Variants in AGMO observed in about 807,000 individuals in gnomAD.
AGMO encodes alkylglycerol monooxygenase.
Under a neutral mutation model 60.2 loss-of-function variants are expected in AGMO, and 75 were observed. That is an observed-to-expected ratio of 1.25 (90% CI 1.03 to 1.51). The LOEUF is 1.51. Ranked by LOEUF, AGMO falls within the 40% of genes most tolerant of loss-of-function variation. The pLI is 0.00. For missense variants in AGMO, 763 were observed against 525.5 expected (o/e 1.45, Z -4.42); for synonymous variants, 261 against 177.1 (o/e 1.47, Z -3.76).
At chr7:15,484,391 A>G (rs769822811) in intron 3 of AGMO, among the ~76,000 whole-genome samples, 6 of 152,140 alleles carry the variant, frequency 3.9e-5, no homozygotes, top group Admixed American at 3.3e-4. Flanking sequence ...GATAGACAGT[A>G]GTGGTCACAT....
chr7:15,296,462 C>G (rs1362707461), intron 12 of AGMO, among the ~76,000 whole-genome samples: 1 of 152,188 alleles, frequency 6.6e-6, no homozygotes, highest in Non-Finnish European at 1.5e-5. Context: ...TCCAGATGGA[C>G]TGGACTGTAC....
intron 12 of AGMO, among the ~76,000 whole-genome samples, chr7:15,228,962 T>A (rs1289773666): frequency 6.6e-6 from 1 of 152,108 alleles, no homozygotes; most frequent in African/African-American, 2.4e-5. Context: ...TTAATACAGC[T>A]AGACAGCTGA....
intron 12 of AGMO, among the ~76,000 whole-genome samples, chr7:15,352,451 T>TC (rs1024787760): frequency 6.6e-6 from 1 of 151,882 alleles, no homozygotes; most frequent in East Asian, 1.9e-4. Context: ...AAGTATGTTT[T>TC]TTTTTTTTTT....
intron 12 of AGMO, among the ~76,000 whole-genome samples, chr7:15,248,106 T>A (rs1468783802): frequency 7.0e-6 from 1 of 143,050 alleles, no homozygotes; most frequent in Non-Finnish European, 1.5e-5. Flanking sequence ...GACAAGAAAA[T>A]CATTAGCTGT....
chr7:15,205,446 A>G (rs1248867767), intron 12 of AGMO, among the ~76,000 whole-genome samples: 1 of 152,208 alleles, frequency 6.6e-6, no homozygotes, highest in African/African-American at 2.4e-5. Flanking sequence ...TTATGTCACA[A>G]AGATTAAAAT....
chr7:15,395,303 AAGTC>A (rs1453004329), intron 5 of AGMO, among the ~76,000 whole-genome samples: 1 of 152,194 alleles, frequency 6.6e-6, no homozygotes, highest in Non-Finnish European at 1.5e-5. Context: ...TGAATTTGAT[AAGTC>A]AGTGTCACGG....
intron 3 of AGMO, among the ~76,000 whole-genome samples, chr7:15,537,411 T>C (rs545390435): frequency 6.6e-6 from 1 of 152,240 alleles, no homozygotes; most frequent in South Asian, 2.1e-4. Context: ...GTTCTAAGAC[T>C]AAAAGAAAAA....
At chr7:15,182,953 A>G in the AGMO span, among the ~76,000 whole-genome samples, 18 of 151,852 alleles carry the variant, frequency 1.2e-4, no homozygotes, top group Non-Finnish European at 2.9e-5. Flanking sequence ...ACATATTTTT[A>G]AACAACCGTA....
chr7:15,160,629 C>T, the AGMO span, among the ~76,000 whole-genome samples: 1 of 151,858 alleles, frequency 6.6e-6, no homozygotes, highest in Non-Finnish European at 1.5e-5. Flanking sequence ...ACCATAAATT[C>T]CATATGGAAA....
chr7:15,407,589 G>A (rs777299481), intron 5 of AGMO, among the ~76,000 whole-genome samples: 1 of 151,686 alleles, frequency 6.6e-6, no homozygotes. Flanking sequence ...AATATGTTAA[G>A]TAAGGTATTG....
chr7:15,386,337 T>C (rs1243851253), intron 9 of AGMO, among the ~76,000 whole-genome samples: 1 of 152,172 alleles, frequency 6.6e-6, no homozygotes, highest in Non-Finnish European at 1.5e-5. Flanking sequence ...AGCATTTAAG[T>C]TTCCCCAAAA....
At chr7:15,322,463 T>TAA (rs1391936086) in intron 12 of AGMO, among the ~76,000 whole-genome samples, 16 of 78,758 alleles carry the variant, frequency 2.0e-4, no homozygotes, top group Admixed American at 6.0e-4. Context: ...TATAAATATA[T>TAA]ATAAATATAT....
intron 12 of AGMO, among the ~76,000 whole-genome samples, chr7:15,363,104 C>G (rs992417720): frequency 6.6e-6 from 1 of 152,136 alleles, no homozygotes; most frequent in Non-Finnish European, 1.5e-5. Flanking sequence ...GTAGTAAGAG[C>G]TCAATGCATG....
At chr7:15,197,043 GT>G (rs10717756), downstream of AGMO, among the ~76,000 whole-genome samples, 14,906 of 151,700 alleles carry the variant, frequency 0.098, 792 homozygotes, top group East Asian at 0.15. Flanking sequence ...TGAATAGAAC[GT>G]TTTTTGTTGT....
rs574598196 is a variant in AGMO at position 15,255,732 on chromosome 7, C to T, written c.1264-54373G>A. Among the ~76,000 whole-genome samples, 5 of 152,198 alleles carry T rather than the reference C, an allele frequency of 3.3e-5. No individual in the cohort carries two copies. In the South Asian group the frequency reaches 6.2e-4, roughly 19 times the overall value. ...TATATGCAAATTAATAAAAGTTATA[C>T]ATTGCATTAACAGAATAAAAGATAA... On this transcript the variant is annotated intron_variant, in intron 12 of 12. Coordinates refer to ENST00000342526, the MANE Select transcript of AGMO (RefSeq NM_001004320.2).
At chr7:15,388,392 A>G (rs944523210) in intron 8 of AGMO, among the ~76,000 whole-genome samples, 1 of 152,122 alleles carries the variant, frequency 6.6e-6, no homozygotes, top group African/African-American at 2.4e-5. Context: ...GAATAGGTAA[A>G]TGTTAGGTGG....
intron 3 of AGMO, among the ~76,000 whole-genome samples, chr7:15,451,462 T>C (rs2128505647): frequency 6.6e-6 from 1 of 152,268 alleles, no homozygotes; most frequent in African/African-American, 2.4e-5. Context: ...CTCACAGCTC[T>C]TGAGGCTGGG....
chr7:15,477,408 G>A (rs1782625106), intron 3 of AGMO, among the ~76,000 whole-genome samples: 1 of 151,982 alleles, frequency 6.6e-6, no homozygotes, highest in African/African-American at 2.4e-5. Context: ...GTATATGATC[G>A]TATCATGTTT....
At chr7:15,307,720 C>T (rs1004153162) in intron 12 of AGMO, among the ~76,000 whole-genome samples, 1 of 152,028 alleles carries the variant, frequency 6.6e-6, no homozygotes, top group African/African-American at 2.4e-5. Flanking sequence ...AGATTTGCAA[C>T]TGAGATTTGG....
Sources: gnomAD v4.1 joint callset for allele counts (sites outside exome capture counted in the v4.1 genomes callset) on GRCh38, gnomAD v4.1.1 for gene constraint, MANE v1.5 for transcripts, NCBI Gene and HGNC (gene_info 2026-07-23, HGNC 2026-07-21) for gene names.